MAP2K2: variants seen among roughly 807,000 people sequenced by gnomAD.
MAP2K2 encodes the protein dual specificity mitogen-activated protein kinase kinase 2.
Under a neutral mutation model 43.7 loss-of-function variants are expected in MAP2K2, and 24 were observed. The ratio of observed to expected loss-of-function variants is 0.55; its 90% CI spans 0.40 to 0.77. The LOEUF is 0.77. Among genes scored for constraint, MAP2K2 ranks in the 30% least tolerant of loss-of-function variants. The pLI is 0.00. For missense variants in MAP2K2, 470 were observed against 566.8 expected (o/e 0.83, Z 1.73); for synonymous variants, 244 against 239.7 (o/e 1.02, Z -0.17).
At chr19:4,091,554 T>C (rs1159263096) in intron 10 of MAP2K2, among the ~76,000 whole-genome samples, 2 of 152,060 alleles carry the variant, frequency 1.3e-5, no homozygotes, top group Non-Finnish European at 2.9e-5. Context: ...GGATTCACCA[T>C]GTTGGCCAGG....
intron 7 of MAP2K2, among the ~76,000 whole-genome samples, chr19:4,098,711 G>A (rs1002046531): frequency 6.6e-6 from 1 of 152,106 alleles, no homozygotes; most frequent in Non-Finnish European, 1.5e-5. Flanking sequence ...GCCCCCTCCC[G>A]GGCTGTGTCC....
At chr19:4,108,058 G>C (rs1381913610) in intron 3 of MAP2K2, among the ~76,000 whole-genome samples, 2 of 152,174 alleles carry the variant, frequency 1.3e-5, no homozygotes, top group South Asian at 4.1e-4. Flanking sequence ...GTGCTGGGCA[G>C]GCCCTTCCAT....
At chr19:4,099,152 G>A (rs372714814) in intron 7 of MAP2K2, 49 bp downstream of exon 7, 19 of 1,506,640 alleles carry the variant, frequency 1.3e-5, no homozygotes, top group East Asian at 4.8e-5. Context: ...AGCAGGCCCC[G>A]CGCAGGGCAC....
intron 10 of MAP2K2, among the ~76,000 whole-genome samples, chr19:4,092,139 T>C (rs2040860213): frequency 6.6e-6 from 1 of 152,320 alleles, no homozygotes; most frequent in Admixed American, 6.5e-5. Context: ...GTCCAGGACC[T>C]TGGGCCCCTG....
chr19:4,110,797 T>A (rs2041145086), intron 2 of MAP2K2, 142 bp from the exon 3 acceptor site: 1 of 823,178 alleles, frequency 1.2e-6, no homozygotes, highest in Non-Finnish European at 1.9e-6. Flanking sequence ...CCTAGGTGTC[T>A]GCCTAGAAGT....
At position 4,117,352 on chromosome 19, in the gene MAP2K2, C is replaced by T. The variant is rs965456994; in HGVS notation, c.303+67G>A. On this transcript the variant is annotated intron_variant, in intron 2 of 10. Coordinates refer to ENST00000262948, the MANE Select transcript of MAP2K2 (RefSeq NM_030662.4). ...TGCAGAGACCCGGCTGCCTTCCCAACCTGCCTCCTGTTTCCAGGGGGACCT... is the reference window on the plus strand; with the variant it reads ...TGCAGAGACCCGGCTGCCTTCCCAATCTGCCTCCTGTTTCCAGGGGGACCT... 5.8e-5 allele frequency: 87 copies of T among 1,490,600 alleles called. No homozygotes were observed. In the African/African-American group the frequency reaches 1.1e-3, roughly 19 times the overall value. 92.3% of individuals were successfully genotyped at this position (1,490,600 alleles called of 1,614,324 possible).
chr19:4,113,828 A>G (rs962116321), intron 2 of MAP2K2, among the ~76,000 whole-genome samples: 46 of 152,250 alleles, frequency 3.0e-4, no homozygotes, highest in African/African-American at 1.1e-3. Flanking sequence ...CGAGAGCAGG[A>G]GGGGAAGAGG....
intron 3 of MAP2K2, chr19:4,102,670 G>C (rs1307520557): frequency 9.6e-7 from 1 of 1,038,386 alleles, no homozygotes; most frequent in Non-Finnish European, 1.4e-6. Flanking sequence ...ACAGGGCCCA[G>C]GGTTCCCCCG....
At chr19:4,114,493 C>T (rs1342617162) in intron 2 of MAP2K2, among the ~76,000 whole-genome samples, 1 of 152,192 alleles carries the variant, frequency 6.6e-6, no homozygotes, top group African/African-American at 2.4e-5. Context: ...CTCATCTCTG[C>T]TATGAGCATG....
At chr19:4,123,763 G>T in intron 1 of MAP2K2, 21 bp downstream of exon 1, 2 of 1,502,778 alleles carry the variant, frequency 1.3e-6, no homozygotes. Context: ...CCAAGCCTCC[G>T]GCTGACCCCT....
intron 3 of MAP2K2, among the ~76,000 whole-genome samples, chr19:4,109,174 G>A (rs1599298926): frequency 1.3e-5 from 2 of 152,234 alleles, no homozygotes; most frequent in South Asian, 2.1e-4. Context: ...GATACCTGAT[G>A]AGCTCGGTGT....
chr19:4,114,527 G>C (rs1010043883), intron 2 of MAP2K2, among the ~76,000 whole-genome samples: 2 of 152,206 alleles, frequency 1.3e-5, no homozygotes, highest in Non-Finnish European at 2.9e-5. Flanking sequence ...AGCCCCACAC[G>C]CGTAACAAGC....
intron 10 of MAP2K2, among the ~76,000 whole-genome samples, chr19:4,091,643 G>A (rs961177928): frequency 1.3e-5 from 2 of 150,806 alleles, no homozygotes; most frequent in African/African-American, 4.9e-5. Flanking sequence ...GTGAGCCACC[G>A]CAACTGGCCT....
In MAP2K2 at chr19:4,115,785, T is replaced by C. The variant is rs934961837; in HGVS notation, c.303+1634A>G. On this transcript the variant is annotated intron_variant, in intron 2 of 10. Transcript: ENST00000262948. This position sits in a 1 kb window ranked among gnomAD's most constrained non-coding sequence, Gnocchi z 4.1. Reference sequence around the variant, plus strand: ...CTAGGTGCAGTCACGTTCCCCCAGTTTGGGGAACTACAGGATGGTGGGCTT... The same window carrying C: ...CTAGGTGCAGTCACGTTCCCCCAGTCTGGGGAACTACAGGATGGTGGGCTT... Among the ~76,000 whole-genome samples the C allele has an allele frequency of 6.6e-6, 1 of 152,136 alleles. No homozygotes were observed. The highest frequency in any genetic ancestry group is 2.4e-5 in the African/African-American group (1 of 41,430).
chr19:4,122,553 C>A (rs973906764), intron 1 of MAP2K2, among the ~76,000 whole-genome samples: 4 of 142,378 alleles, frequency 2.8e-5, no homozygotes, highest in African/African-American at 7.9e-5. Flanking sequence ...AGGCCCCCAC[C>A]GACACATCCT....
intron 1 of MAP2K2, among the ~76,000 whole-genome samples, chr19:4,121,365 C>T (rs1164530036): frequency 6.6e-6 from 1 of 151,754 alleles, no homozygotes; most frequent in Non-Finnish European, 1.5e-5. Context: ...CCCCACGCCT[C>T]CTCGTTCCTC....
intron 7 of MAP2K2, among the ~76,000 whole-genome samples, chr19:4,098,091 C>T (rs888697907): frequency 1.3e-5 from 2 of 152,196 alleles, no homozygotes; most frequent in Non-Finnish European, 1.5e-5. Flanking sequence ...GTGGCCTGTT[C>T]GTGTCATAAA....
chr19:4,123,281 C>A (rs928832542), intron 1 of MAP2K2, among the ~76,000 whole-genome samples: 2 of 151,646 alleles, frequency 1.3e-5, no homozygotes, highest in African/African-American at 4.9e-5. Flanking sequence ...TCCCCTCACC[C>A]CAGCTTCACT....
At position 4,101,389 on chromosome 19, in the gene MAP2K2, G is replaced by A. The variant is rs1006673111; in HGVS notation, c.529-109C>T. On this transcript the variant is annotated intron_variant, in intron 4 of 10. Coordinates refer to ENST00000262948, the MANE Select transcript of MAP2K2 (RefSeq NM_030662.4). The surrounding 1 kb of genome is among the most constrained non-coding windows in gnomAD (Gnocchi z 6.3). ...TCAGAGCTGGAGCGAGGGAGCTGCG[G>A]CAGGAACCATTTCAGGCTGTGAGGA... 3.2e-6 allele frequency: 4 copies of A among 1,253,650 alleles called. No individual in the cohort carries two copies. The highest frequency in any genetic ancestry group is 4.6e-6 in the Non-Finnish European group (4 of 877,642). 77.7% of individuals were successfully genotyped at this position (1,253,650 alleles called of 1,614,324 possible). A position where few individuals can be genotyped will look rare whatever the true frequency, so the allele number is the denominator to read the frequency against.
Sources: gnomAD v4.1 joint callset for allele counts (sites outside exome capture counted in the v4.1 genomes callset) on GRCh38, gnomAD v4.1.1 for gene constraint, Gnocchi (gnomAD v3.1) non-coding constraint, MANE v1.5 for transcripts, NCBI Gene and HGNC (gene_info 2026-07-23, HGNC 2026-07-21) for gene names.